The following KLHL1 variants were observed in gnomAD, a reference collection of about 807,000 sequenced individuals.
The protein encoded by KLHL1 is kelch-like protein 1.
In KLHL1, 47 loss-of-function variants were observed where a neutral mutation model predicts 77.7. That is an observed-to-expected ratio of 0.60 (90% CI 0.48 to 0.77). The LOEUF (loss-of-function observed/expected upper bound fraction) is 0.77. Among genes scored for constraint, KLHL1 ranks in the 30% least tolerant of loss-of-function variants. The pLI is 0.00. For synonymous variants in KLHL1, 360 were observed against 325.2 expected (o/e 1.11, Z -1.15); for missense variants, 925 against 910.8 (o/e 1.02, Z -0.20).
chr13:69,821,770 C>T (rs528525721), intron 6 of KLHL1, among the ~76,000 whole-genome samples: 4 of 152,290 alleles, frequency 2.6e-5, no homozygotes, highest in African/African-American at 4.8e-5. Flanking sequence ...TCCATTCCCC[C>T]GTTTTTACTT....
intron 4 of KLHL1, among the ~76,000 whole-genome samples, chr13:69,935,283 A>AGTTCACCTACTGGTGAACTTG (rs1431328675): frequency 1.4e-4 from 22 of 152,010 alleles, no homozygotes; most frequent in African/African-American, 5.1e-4. Flanking sequence ...CTTGGTACAT[A>AGTTCACCTACTGGTGAACTTG]GCAGTCAATA....
intron 7 of KLHL1, among the ~76,000 whole-genome samples, chr13:69,789,017 C>CTCTATCTATCTATCTA (rs10542087): frequency 6.6e-6 from 1 of 150,396 alleles, no homozygotes; most frequent in South Asian, 2.1e-4. Flanking sequence ...CTCCACAGGA[C>CTCTATCTATCTATCTA]TCTATCTATC....
intron 6 of KLHL1, among the ~76,000 whole-genome samples, chr13:69,800,444 T>C (rs1385141302): frequency 6.6e-6 from 1 of 152,154 alleles, no homozygotes; most frequent in Non-Finnish European, 1.5e-5. Flanking sequence ...CTTGCTCAGT[T>C]ATATAAAGTT....
chr13:70,061,557 G>A (rs146973437), intron 1 of KLHL1, among the ~76,000 whole-genome samples: 32 of 152,172 alleles, frequency 2.1e-4, no homozygotes, highest in African/African-American at 6.5e-4. Context: ...GCCTGAGTTA[G>A]TAGCCTTAAG....
intron 5 of KLHL1, among the ~76,000 whole-genome samples, chr13:69,842,733 T>C (rs980129814): frequency 6.6e-6 from 1 of 151,764 alleles, no homozygotes; most frequent in African/African-American, 2.4e-5. Context: ...GATACTTGCA[T>C]TCACATGTTT....
chr13:69,761,648 A>G (rs1875025511), intron 7 of KLHL1, among the ~76,000 whole-genome samples: 1 of 152,198 alleles, frequency 6.6e-6, no homozygotes, highest in Non-Finnish European at 1.5e-5. Context: ...GATAAACTCC[A>G]TGGTCCAAGT....
chr13:70,102,769 T>C (rs1045590269), intron 1 of KLHL1, among the ~76,000 whole-genome samples: 1 of 152,232 alleles, frequency 6.6e-6, no homozygotes, highest in African/African-American at 2.4e-5. Flanking sequence ...GATTATAAGA[T>C]GTTATTAATT....
chr13:69,714,687 A>G (rs571646818), intron 9 of KLHL1, among the ~76,000 whole-genome samples: 103 of 151,688 alleles, frequency 6.8e-4, no homozygotes, highest in Admixed American at 6.6e-4. Flanking sequence ...CAACCTCCCC[A>G]GGCTCAAGTG....
chr13:69,919,768 G>A (rs1332514491), intron 4 of KLHL1, among the ~76,000 whole-genome samples: 5 of 151,968 alleles, frequency 3.3e-5, no homozygotes, highest in Non-Finnish European at 5.9e-5. Flanking sequence ...ACTTGGCCCT[G>A]TCTCATATTT....
At chr13:70,035,104 A>T (rs1886206666) in intron 1 of KLHL1, among the ~76,000 whole-genome samples, 1 of 152,112 alleles carries the variant, frequency 6.6e-6, no homozygotes, top group South Asian at 2.1e-4. Flanking sequence ...TTGAAGGAGG[A>T]TCATTATTGG....
rs1052544651 is a variant in KLHL1 at position 69,848,645 on chromosome 13, C to T, written c.1228-9483G>A. ...TGGCTGTCACTTCAAAATGAAAACA[C>T]AAATTAATGACATGCTAAAACTTAC... On this transcript the variant is annotated intron_variant, in intron 5 of 10. Transcript: ENST00000377844. Among the ~76,000 whole-genome samples, 4 of 151,392 alleles carry T rather than the reference C, an allele frequency of 2.6e-5. No individual in the cohort carries two copies. In the East Asian group the frequency reaches 5.8e-4, roughly 22 times the overall value.
chr13:69,749,578 G>A lies in KLHL1; in HGVS notation c.1640-9022C>T, dbSNP rs150794895. 3.2e-3 allele frequency among the ~76,000 whole-genome samples: 488 copies of A among 151,904 alleles called. 1 individual carries two copies. Among genetic ancestry groups the A allele is most frequent in the African/African-American group, 0.01 (421 of 41,518 alleles). On this transcript the variant is annotated intron_variant, in intron 7 of 10. Transcript: ENST00000377844. Reference sequence around the variant, plus strand: ...AGTTTATTGAAAGAAACAAACTATCGTTAATTTTCATGTAACATGGCACAT... The same window carrying A: ...AGTTTATTGAAAGAAACAAACTATCATTAATTTTCATGTAACATGGCACAT...
Position 70,016,597 on chromosome 13 carries a change from C to G in KLHL1, c.498-40795G>C, listed in dbSNP as rs375360552. On this transcript the variant is annotated intron_variant, in intron 1 of 10. Coordinates refer to ENST00000377844, the MANE Select transcript of KLHL1 (RefSeq NM_020866.3). ...GCCAGCCTCCTTCTGTTTCAGCCCC[C>G]TCTGAATTTTGGGCACCGATGAGGA... Among the ~76,000 whole-genome samples, 24 of 152,326 alleles carry G rather than the reference C, an allele frequency of 1.6e-4. No homozygotes were observed. The East Asian group carries it at 3.3e-3, about 21-fold the overall frequency.
chr13:70,019,062 T>C (rs1043626586), intron 1 of KLHL1, among the ~76,000 whole-genome samples: 12 of 152,208 alleles, frequency 7.9e-5, no homozygotes, highest in Admixed American at 7.9e-4. Context: ...TTCAACAGAA[T>C]ATCCTGACTT....
At chr13:70,027,270 A>C (rs1286289393) in intron 1 of KLHL1, among the ~76,000 whole-genome samples, 1 of 152,172 alleles carries the variant, frequency 6.6e-6, no homozygotes, top group Non-Finnish European at 1.5e-5. Context: ...ATCTGGAAAA[A>C]GATAGACAAA....
At chr13:69,800,175 C>A (rs756676762) in intron 6 of KLHL1, among the ~76,000 whole-genome samples, 2 of 152,174 alleles carry the variant, frequency 1.3e-5, no homozygotes, top group African/African-American at 4.8e-5. Flanking sequence ...CATTGCATTT[C>A]TCTGACATTG....
intron 7 of KLHL1, among the ~76,000 whole-genome samples, chr13:69,781,492 C>T (rs1022870694): frequency 3.9e-5 from 6 of 152,022 alleles, no homozygotes; most frequent in Non-Finnish European, 7.4e-5. Flanking sequence ...TTTTCTAGCA[C>T]CTAGGATTGA....
At chr13:69,793,211 T>G (rs1876946615) in intron 7 of KLHL1, among the ~76,000 whole-genome samples, 1 of 152,078 alleles carries the variant, frequency 6.6e-6, no homozygotes, top group African/African-American at 2.4e-5. Context: ...TATTCAATTT[T>G]ATATGACATA....
chr13:69,951,029 T>C (rs141677615), intron 3 of KLHL1, among the ~76,000 whole-genome samples: 1,560 of 151,772 alleles, frequency 0.01, 26 homozygotes, highest in African/African-American at 0.035. Flanking sequence ...TATCAACACC[T>C]GTGTTTATGG....
Sources: allele counts gnomAD v4.1 joint callset (sites outside exome capture counted in the v4.1 genomes callset), GRCh38; gene constraint gnomAD v4.1.1; transcripts MANE v1.5; gene names NCBI Gene and HGNC (gene_info 2026-07-23, HGNC 2026-07-21).